MIA2: variants seen among roughly 807,000 people sequenced by gnomAD.
The protein encoded by MIA2 is melanoma inhibitory activity protein 2.
Under a neutral mutation model 167.8 loss-of-function variants are expected in MIA2, and 127 were observed. That is an observed-to-expected ratio of 0.76 (90% CI 0.66 to 0.88). The LOEUF (loss-of-function observed/expected upper bound fraction) is 0.88. Among genes scored for constraint, MIA2 ranks in the 40% least tolerant of loss-of-function variants. The pLI, the probability that MIA2 is intolerant of heterozygous loss-of-function variation, is 0.00. For missense variants in MIA2, 1,690 were observed against 1,624.7 expected (o/e 1.04, Z -0.69); for synonymous variants, 552 against 541.9 (o/e 1.02, Z -0.26).
chr14:39,263,315 C>T (rs1320204028), intron 6 of MIA2, among the ~76,000 whole-genome samples: 1 of 151,264 alleles, frequency 6.6e-6, no homozygotes. Flanking sequence ...TGATGGATTA[C>T]ATTTATTGAT....
Position 39,299,969 on chromosome 14 carries a change from A to G in MIA2, c.2602A>G (p.Lys868Glu). ...ACATGCAGAACAAGTTCTAAATGATAAAGAAAGTCACATCAAGGTAAATGG... is the reference window on the plus strand; with the variant it reads ...ACATGCAGAACAAGTTCTAAATGATGAAGAAAGTCACATCAAGGTAAATGG... ...KVHAEQVLND[K>E]ESHIKTLTER... Residue 868 changes from lysine (K) to glutamate (E), a missense_variant, in exon 14 of 29, where the codon AAA becomes GAA. Coordinates refer to ENST00000640607, the MANE Select transcript of MIA2 (RefSeq NM_001329214.4). 6.3e-7 allele frequency: 1 copy of G among 1,597,752 alleles called. No homozygotes were observed. Among genetic ancestry groups the G allele is most frequent in the Non-Finnish European group, 8.5e-7 (1 of 1,174,702 alleles).
chr14:39,269,105 A>C lies in MIA2; in HGVS notation c.1888-7829A>C, dbSNP rs540034779. The C allele has an allele frequency of 8.4e-6, 5 of 595,182 alleles. No homozygotes were observed. The South Asian group carries it at 2.5e-4, about 30-fold the overall frequency. 36.9% of individuals were successfully genotyped at this position (595,182 alleles called of 1,614,324 possible). A position where few individuals can be genotyped will look rare whatever the true frequency, so the allele number is the denominator to read the frequency against. ...TTTTTTTTTTTTTTTTTTTTGCTAAATGCGAGTACCCTGGCCTGGGGGCTA... is the reference window on the plus strand; with the variant it reads ...TTTTTTTTTTTTTTTTTTTTGCTAACTGCGAGTACCCTGGCCTGGGGGCTA... On this transcript the variant is annotated intron_variant, in intron 6 of 28. Transcript: ENST00000640607.
chr14:39,359,857 A>G (rs2074634702), intron 23 of MIA2, among the ~76,000 whole-genome samples: 1 of 152,190 alleles, frequency 6.6e-6, no homozygotes, highest in Non-Finnish European at 1.5e-5. Context: ...AGTTAATGGC[A>G]TTGCAGGATC....
At position 39,298,410 on chromosome 14, in the gene MIA2, G is replaced by GTT. The variant is rs1264299599; in HGVS notation, c.2497-1451_2497-1450dup. On this transcript the variant is annotated intron_variant, in intron 13 of 28. Coordinates refer to ENST00000640607, the MANE Select transcript of MIA2 (RefSeq NM_001329214.4). ...GTTTTTACCTGTATCATCTGATTCTGTTTTATATATATATATATATATATA... is the reference window on the plus strand; with the variant it reads ...GTTTTTACCTGTATCATCTGATTCTGTTTTTTATATATATATATATATATATA... Among the ~76,000 whole-genome samples, 235 of 33,172 alleles carry GTT rather than the reference G, an allele frequency of 7.1e-3. 3 individuals are homozygous for GTT. Among genetic ancestry groups the GTT allele is most frequent in the South Asian group, 0.014 (12 of 830 alleles). The allele number at this position is 33,172 out of a possible 152,430, so 21.8% of individuals were successfully genotyped here.
chr14:39,384,297 C>T (rs1481517598), intron 23 of MIA2, among the ~76,000 whole-genome samples: 1 of 152,150 alleles, frequency 6.6e-6, no homozygotes, highest in South Asian at 2.1e-4. Flanking sequence ...CGTCTGTATA[C>T]AGCATGGTTT....
chr14:39,284,844 C>T (rs2059403476), intron 9 of MIA2, among the ~76,000 whole-genome samples: 1 of 151,628 alleles, frequency 6.6e-6, no homozygotes, highest in African/African-American at 2.4e-5. Flanking sequence ...GGAAGGTCAG[C>T]AGATAAACAA....
At chr14:39,313,280 T>C in intron 18 of MIA2, 60 bp from the exon 19 acceptor site, 1 of 841,484 alleles carries the variant, frequency 1.2e-6, no homozygotes, top group South Asian at 2.1e-5. Flanking sequence ...CAATTAAAAA[T>C]ATAGAATTGA....
At chr14:39,302,090 C>A in intron 14 of MIA2, 39 bp from the exon 15 acceptor site, 1 of 1,603,366 alleles carries the variant, frequency 6.2e-7, no homozygotes, top group Non-Finnish European at 8.5e-7. Flanking sequence ...TAGCATAAGG[C>A]ATTACCCTCT....
At chr14:39,287,316 C>G (rs1297295483) in intron 9 of MIA2, among the ~76,000 whole-genome samples, 4 of 152,106 alleles carry the variant, frequency 2.6e-5, no homozygotes, top group African/African-American at 9.6e-5. Context: ...CTCAAGTGAT[C>G]CGCTTATCTC....
At chr14:39,317,537 C>CT (rs2065702548) in intron 21 of MIA2, among the ~76,000 whole-genome samples, 3 of 152,138 alleles carry the variant, frequency 2.0e-5, no homozygotes, top group Admixed American at 1.3e-4. Flanking sequence ...ATGGCTCACA[C>CT]TGTCAACTTT....
chr14:39,275,407 C>T (rs2057856321), intron 6 of MIA2, among the ~76,000 whole-genome samples: 1 of 152,198 alleles, frequency 6.6e-6, no homozygotes, highest in Non-Finnish European at 1.5e-5. Context: ...TCCCAAAGTG[C>T]TGGCATGAGC....
At position 39,325,648 on chromosome 14, in the gene MIA2, T is replaced by C. The variant is rs1377596681; in HGVS notation, c.3497-1216T>C. On this transcript the variant is annotated intron_variant, in intron 24 of 28. Transcript: ENST00000640607. Reference sequence around the variant, plus strand: ...TCCCAAAGTGCTGGGATTACAGGTGTGAGCCACCGCGCCTGGCCAAAATTT... The same window carrying C: ...TCCCAAAGTGCTGGGATTACAGGTGCGAGCCACCGCGCCTGGCCAAAATTT... Among the ~76,000 whole-genome samples, 4 of 151,926 alleles carry C rather than the reference T, an allele frequency of 2.6e-5. No individual in the cohort carries two copies. In the East Asian group the frequency reaches 7.8e-4, roughly 30 times the overall value.
chr14:39,249,324 G>A (rs539474157), intron 4 of MIA2, among the ~76,000 whole-genome samples: 5 of 151,892 alleles, frequency 3.3e-5, no homozygotes, highest in African/African-American at 7.3e-5. Flanking sequence ...TTTATATGTC[G>A]TGGAGATGGG....
chr14:39,321,762 ATTTT>A (rs35965549), intron 24 of MIA2, among the ~76,000 whole-genome samples: 1 of 131,998 alleles, frequency 7.6e-6, no homozygotes. Flanking sequence ...TATATATGTA[ATTTT>A]TTTTTTTTTT....
intron 25 of MIA2, among the ~76,000 whole-genome samples, chr14:39,342,767 C>T (rs1197125035): frequency 6.6e-6 from 1 of 152,186 alleles, no homozygotes; most frequent in Non-Finnish European, 1.5e-5. Context: ...TATTGCATTT[C>T]CTTTCCTGGG....
intron 6 of MIA2, chr14:39,267,318 C>G (rs2055980466): frequency 1.6e-5 from 24 of 1,502,136 alleles, no homozygotes; most frequent in Non-Finnish European, 2.1e-5. Context: ...CCAGCTCCCC[C>G]CGCAGCCGGC....
rs548654464 is a variant in MIA2, at chr14:39,267,115, G to A, written c.1888-9819G>A. 1.4e-5 allele frequency: 16 copies of A among 1,129,686 alleles called. No individual in the cohort carries two copies. The South Asian group carries it at 4.0e-4, about 28-fold the overall frequency. The allele number at this position is 1,129,686 out of a possible 1,614,324, so 70.0% of individuals were successfully genotyped here. On this transcript the variant is annotated intron_variant, in intron 6 of 28. Transcript: ENST00000640607. ...CTTGCGCGAAGAAGGGGAAGTTTGC[G>A]GCTGTCCGCGCCTCCCCGCCTTCTC...
chr14:39,267,281 T>TG, intron 6 of MIA2: 2 of 1,449,332 alleles, frequency 1.4e-6, no homozygotes, highest in Non-Finnish European at 1.8e-6. Context: ...AGCGTAGGCC[T>TG]GTGAGGCCTG....
At chr14:39,368,152 A>T (rs1038892643) in intron 23 of MIA2, among the ~76,000 whole-genome samples, 3 of 152,180 alleles carry the variant, frequency 2.0e-5, no homozygotes, top group Admixed American at 6.5e-5. Flanking sequence ...ATTGAATTAG[A>T]CAATGAAGAG....
Sources: gnomAD v4.1 joint callset for allele counts (sites outside exome capture counted in the v4.1 genomes callset) on GRCh38, gnomAD v4.1.1 for gene constraint, MANE v1.5 for transcripts, NCBI Gene and HGNC (gene_info 2026-07-23, HGNC 2026-07-21) for gene names.